Variants in MYLK4 observed in about 807,000 individuals in gnomAD.
MYLK4 encodes caMLCK like.
Under a neutral mutation model 48.1 loss-of-function variants are expected in MYLK4, and 46 were observed. That is an observed-to-expected ratio of 0.96 (90% confidence interval 0.75 to 1.22). MYLK4 has a LOEUF of 1.22. Among genes scored for constraint, MYLK4 ranks in the 50% most tolerant of loss-of-function variants. MYLK4 has a pLI of 0.00. For synonymous variants in MYLK4, 170 were observed against 180.8 expected (o/e 0.94, Z 0.48); for missense variants, 451 against 486.1 (o/e 0.93, Z 0.68).
intron 2 of MYLK4, among the ~76,000 whole-genome samples, chr6:2,722,146 C>T (rs1359411439): frequency 6.6e-6 from 1 of 152,154 alleles, no homozygotes; most frequent in Admixed American, 6.5e-5. Flanking sequence ...TACTGTGGAA[C>T]AGAATAAAGC....
chr6:2,675,582 A>C (rs926590565), intron 10 of MYLK4, among the ~76,000 whole-genome samples: 1 of 152,192 alleles, frequency 6.6e-6, no homozygotes, highest in Non-Finnish European at 1.5e-5. Flanking sequence ...TTTTGAGTTA[A>C]ATAGGTAGGG....
chr6:2,759,481 C>T, the MYLK4 span, among the ~76,000 whole-genome samples: 1 of 152,164 alleles, frequency 6.6e-6, no homozygotes. Flanking sequence ...TCTTTACTCA[C>T]TTTTAATTAC....
the MYLK4 span, chr6:2,765,383 G>C: frequency 2.8e-6 from 1 of 359,048 alleles, no homozygotes; most frequent in Non-Finnish European, 4.7e-6. Flanking sequence ...GGGGCAAACG[G>C]CCACGAACTA....
chr6:2,688,333 A>G (rs1761639124), intron 4 of MYLK4, among the ~76,000 whole-genome samples: 1 of 152,246 alleles, frequency 6.6e-6, no homozygotes, highest in Non-Finnish European at 1.5e-5. Flanking sequence ...TGCTGGGATT[A>G]CAGGCGTGAG....
At chr6:2,700,581 C>G (rs6912339) in intron 2 of MYLK4, among the ~76,000 whole-genome samples, 66,536 of 151,886 alleles carry the variant, frequency 0.44, 15,640 homozygotes, top group East Asian at 0.57. Flanking sequence ...TCTAGCAAAC[C>G]ACTGCCTCCT....
rs3055234 is a variant in MYLK4, at chr6:2,703,665, C to CTTTTTTTTTT, written c.160-10816_160-10807dup. ...TCAGGAAGGTTTCCCTTTGTGAATT[C>CTTTTTTTTTT]TTTTTTTTTTTTTTTTTTTTTTTTG... On this transcript the variant is annotated intron_variant, in intron 2 of 12. Coordinates refer to ENST00000274643, the MANE Select transcript of MYLK4 (RefSeq NM_001012418.5). Among the ~76,000 whole-genome samples the CTTTTTTTTTT allele has an allele frequency of 9.5e-4, 90 of 95,124 alleles. 5 individuals carry two copies. The highest frequency in any genetic ancestry group is 1.5e-3 in the African/African-American group (37 of 24,504). 62.4% of individuals were successfully genotyped at this position (95,124 alleles called of 152,430 possible).
chr6:2,762,893 A>T, the MYLK4 span, among the ~76,000 whole-genome samples: 1 of 152,196 alleles, frequency 6.6e-6, no homozygotes, highest in South Asian at 2.1e-4. Context: ...TGCCTTCAGA[A>T]ATAAAGCTAC....
At chr6:2,770,038 G>GGAA in the MYLK4 span, 2 of 1,575,802 alleles carry the variant, frequency 1.3e-6, no homozygotes, top group Non-Finnish European at 1.7e-6. Context: ...GGAAAAGGAA[G>GGAA]GAAGGGATAG....
chr6:2,674,987 C>G, intron 11 of MYLK4, 60 bp downstream of exon 11: 1 of 1,175,246 alleles, frequency 8.5e-7, no homozygotes, highest in Non-Finnish European at 1.3e-6. Context: ...ACTCCAGCAT[C>G]TGATCTTCAA....
At chr6:2,763,509 C>G in the MYLK4 span, among the ~76,000 whole-genome samples, 1 of 152,210 alleles carries the variant, frequency 6.6e-6, no homozygotes, top group Non-Finnish European at 1.5e-5. Flanking sequence ...AAGTGCTGTC[C>G]CAAGTGCTAA....
Position 2,679,372 on chromosome 6 carries a change from T to G in MYLK4, c.795A>C (p.Gly265=). Residue 265 remains glycine, a synonymous_variant, in exon 9 of 13, where the codon GGA becomes GGC. Transcript: ENST00000274643. ...KPREKLKVNF[G]TPEFLAPEVV... ...CTTCAGGGGCGAGAAATTCTGGGGTTCCAAAGTTCACCTTCAGCTTCTCTC... is the reference window on the plus strand; with the variant it reads ...CTTCAGGGGCGAGAAATTCTGGGGTGCCAAAGTTCACCTTCAGCTTCTCTC... 6.2e-7 allele frequency: 1 copy of G among 1,614,134 alleles called. No individual in the cohort carries two copies.
the MYLK4 span, among the ~76,000 whole-genome samples, chr6:2,762,701 C>G: frequency 6.6e-6 from 1 of 152,022 alleles, no homozygotes; most frequent in Non-Finnish European, 1.5e-5. Flanking sequence ...ACGCATAGAC[C>G]CTCACGGAAA....
chr6:2,670,801 G>T (rs115815723), intron 12 of MYLK4, among the ~76,000 whole-genome samples: 25 of 152,186 alleles, frequency 1.6e-4, no homozygotes, highest in Non-Finnish European at 2.9e-4. Flanking sequence ...AGAAACACCC[G>T]AGGGAACCAC....
intron 2 of MYLK4, among the ~76,000 whole-genome samples, chr6:2,720,043 A>G (rs115139217): frequency 3.5e-4 from 54 of 152,294 alleles, no homozygotes; most frequent in African/African-American, 1.3e-3. Flanking sequence ...AGAATTTTTA[A>G]AGATTTCCCA....
intron 2 of MYLK4, among the ~76,000 whole-genome samples, chr6:2,737,815 A>G (rs538573141): frequency 6.6e-6 from 1 of 152,144 alleles, no homozygotes; most frequent in Non-Finnish European, 1.5e-5. Context: ...GTCACAGACA[A>G]TATGCCCTAT....
intron 2 of MYLK4, among the ~76,000 whole-genome samples, chr6:2,730,048 G>A (rs151276360): frequency 2.2e-3 from 338 of 152,276 alleles, no homozygotes; most frequent in African/African-American, 7.9e-3. Context: ...TCAGTGGTTC[G>A]ACAATAATGA....
chr6:2,691,126 A>G (rs888112514), intron 3 of MYLK4, among the ~76,000 whole-genome samples: 4 of 152,160 alleles, frequency 2.6e-5, no homozygotes, highest in South Asian at 2.1e-4. Flanking sequence ...CACCGCACCC[A>G]GCCAATCTCT....
the MYLK4 span, among the ~76,000 whole-genome samples, chr6:2,763,966 C>T: frequency 2.0e-5 from 3 of 152,118 alleles, no homozygotes; most frequent in African/African-American, 7.2e-5. Context: ...CCCGTCTGTA[C>T]TAAAAATCCA....
intron 2 of MYLK4, among the ~76,000 whole-genome samples, chr6:2,740,183 A>G (rs1311628869): frequency 6.6e-6 from 1 of 152,198 alleles, no homozygotes; most frequent in Non-Finnish European, 1.5e-5. Context: ...TGGAGGAAAT[A>G]GTACCTACCT....
Sources: allele counts gnomAD v4.1 joint callset (sites outside exome capture counted in the v4.1 genomes callset), GRCh38; gene constraint gnomAD v4.1.1; transcripts MANE v1.5; gene names NCBI Gene and HGNC (gene_info 2026-07-23, HGNC 2026-07-21).